Variants in DACH2 observed in about 807,000 individuals in gnomAD.
DACH2 encodes the protein dachshund homolog 2.
In DACH2, 17 loss-of-function variants were observed where a neutral mutation model predicts 35.8. The ratio of observed to expected loss-of-function variants is 0.48; its 90% CI spans 0.33 to 0.71. The LOEUF is 0.71. Ranked by LOEUF, DACH2 falls within the 30% of genes least tolerant of loss-of-function variation. The pLI, the probability that DACH2 is intolerant of heterozygous loss-of-function variation, is 0.02. For missense variants in DACH2, 469 were observed against 472.7 expected, an observed-to-expected ratio of 0.99 and a Z score of 0.07; for synonymous variants, 195 against 177.3, an observed-to-expected ratio of 1.10 and a Z score of -0.79.
At chrX:86,721,817 T>C (rs1192231786) in intron 6 of DACH2, among the ~76,000 whole-genome samples, 3 of 111,971 alleles carry the variant, frequency 2.7e-5, no homozygotes, top group East Asian at 2.8e-4. Context: ...CTTACAATCA[T>C]GGCAGAAAGC....
rs561748611 is a variant in DACH2, at chrX:86,312,448, G to A, written c.489-64376G>A. 4.5e-5 allele frequency among the ~76,000 whole-genome samples: 5 copies of A among 111,164 alleles called. No individual in the cohort carries two copies. The Admixed American group carries it at 4.8e-4, about 11-fold the overall frequency. On this transcript the variant is annotated intron_variant, in intron 1 of 11. Transcript: ENST00000373125. ...ATGTCTATGGGGTCAAGTTGACAAGGGTGGACTTATGATGGTTAATACTGA... is the reference window on the plus strand; with the variant it reads ...ATGTCTATGGGGTCAAGTTGACAAGAGTGGACTTATGATGGTTAATACTGA...
chrX:86,286,798 A>C (rs1450259170), intron 1 of DACH2, among the ~76,000 whole-genome samples: 1 of 111,862 alleles, frequency 8.9e-6, no homozygotes, highest in East Asian at 2.8e-4. Flanking sequence ...TTAAACTTTT[A>C]GTTGTTTCTA....
At chrX:86,446,108 T>A (rs1158493388) in intron 2 of DACH2, among the ~76,000 whole-genome samples, 1 of 110,831 alleles carries the variant, frequency 9.0e-6, no homozygotes, top group Non-Finnish European at 1.9e-5. Flanking sequence ...TGTAATTACT[T>A]TTTTGTCTCT....
intron 1 of DACH2, among the ~76,000 whole-genome samples, chrX:86,240,467 T>C (rs1354492098): frequency 9.5e-6 from 1 of 105,249 alleles, no homozygotes; most frequent in East Asian, 3.0e-4. Context: ...TTATTATTAT[T>C]ATTATTATTA....
At chrX:86,713,805 G>A (rs866542244) in intron 5 of DACH2, among the ~76,000 whole-genome samples, 11 of 111,694 alleles carry the variant, frequency 9.8e-5, no homozygotes, top group South Asian at 3.7e-4. Flanking sequence ...GTGGCTGCCA[G>A]AAGTTGAATG....
chrX:86,281,522 T>C (rs1035141622), intron 1 of DACH2, among the ~76,000 whole-genome samples: 1 of 111,756 alleles, frequency 8.9e-6, no homozygotes, highest in African/African-American at 3.3e-5. Context: ...GAACTATTTA[T>C]GACAAACCCA....
At chrX:86,693,878 G>A (rs972518757) in intron 4 of DACH2, among the ~76,000 whole-genome samples, 1 of 111,743 alleles carries the variant, frequency 8.9e-6, no homozygotes, top group African/African-American at 3.3e-5. Context: ...ATGACAGACT[G>A]CTTATAATGT....
chrX:86,292,209 G>C (rs1430197784), intron 1 of DACH2, among the ~76,000 whole-genome samples: 1 of 90,340 alleles, frequency 1.1e-5, no homozygotes. Flanking sequence ...TAGTTTATTT[G>C]CGTAGAGGTG....
chrX:86,479,136 G>A (rs767645515), intron 2 of DACH2, among the ~76,000 whole-genome samples: 5 of 111,193 alleles, frequency 4.5e-5, no homozygotes, highest in Admixed American at 3.8e-4. Context: ...AGACCACGTC[G>A]TTTCGCTGTC....
At chrX:86,524,558 AC>A (rs1350944113) in intron 3 of DACH2, among the ~76,000 whole-genome samples, 1 of 112,322 alleles carries the variant, frequency 8.9e-6, no homozygotes, top group Admixed American at 9.5e-5. Flanking sequence ...CAGATTCTCT[AC>A]TAAAGAAAAA....
chrX:86,216,952 G>A (rs1190911764), intron 1 of DACH2, among the ~76,000 whole-genome samples: 1 of 110,131 alleles, frequency 9.1e-6, no homozygotes, highest in Non-Finnish European at 1.9e-5. Flanking sequence ...TCAGATAGGC[G>A]TGGTGACACT....
At chrX:86,325,276 C>A (rs1001775217) in intron 1 of DACH2, among the ~76,000 whole-genome samples, 1 of 111,307 alleles carries the variant, frequency 9.0e-6, no homozygotes, top group Non-Finnish European at 1.9e-5. Context: ...CACTTGCCAG[C>A]GAGCTCACGC....
chrX:86,361,897 A>G (rs2148082737), intron 1 of DACH2, among the ~76,000 whole-genome samples: 1 of 111,395 alleles, frequency 9.0e-6, no homozygotes, highest in Admixed American at 9.6e-5. Context: ...TATAAATAAT[A>G]TATTGGAGAC....
chrX:86,699,973 G>T (rs1475852095), intron 5 of DACH2, among the ~76,000 whole-genome samples: 1 of 111,487 alleles, frequency 9.0e-6, no homozygotes, highest in Non-Finnish European at 1.9e-5. Context: ...AAAGTCATTT[G>T]GGAGCAGGTT....
intron 4 of DACH2, among the ~76,000 whole-genome samples, chrX:86,668,303 A>T (rs1237789594): frequency 8.9e-6 from 1 of 112,142 alleles, no homozygotes; most frequent in Admixed American, 9.5e-5. Flanking sequence ...TAATTTCCAT[A>T]TGTACTAAAT....
chrX:86,277,226 A>G (rs190112784), intron 1 of DACH2, among the ~76,000 whole-genome samples: 32 of 110,891 alleles, frequency 2.9e-4, no homozygotes, highest in Non-Finnish European at 1.7e-4. Flanking sequence ...TATAGTTTTT[A>G]TTATAGAGAT....
chrX:86,336,882 A>G (rs534259336), intron 1 of DACH2, among the ~76,000 whole-genome samples: 56 of 109,049 alleles, frequency 5.1e-4, no homozygotes, highest in Middle Eastern at 9.4e-3. Flanking sequence ...AAGAACATAA[A>G]TGACCTGATA....
intron 7 of DACH2, among the ~76,000 whole-genome samples, chrX:86,809,517 A>C (rs1379067163): frequency 9.0e-6 from 1 of 111,099 alleles, no homozygotes; most frequent in Admixed American, 9.6e-5. Context: ...AATAGGAAAA[A>C]AAAATCTGAT....
intron 1 of DACH2, among the ~76,000 whole-genome samples, chrX:86,166,575 C>T (rs2147869162): frequency 9.0e-6 from 1 of 111,177 alleles, no homozygotes; most frequent in Non-Finnish European, 1.9e-5. Context: ...TGTCTGATTG[C>T]TCTAGCTAGG....
Sources: gnomAD v4.1 joint callset for allele counts (sites outside exome capture counted in the v4.1 genomes callset) on GRCh38, gnomAD v4.1.1 for gene constraint, MANE v1.5 for transcripts, NCBI Gene and HGNC (gene_info 2026-07-23, HGNC 2026-07-21) for gene names.